Variants in BMP8A observed in about 807,000 individuals in gnomAD.
The protein encoded by BMP8A is BMP-8A.
In BMP8A, 14 loss-of-function variants were observed where a neutral mutation model predicts 36.8. That is an observed-to-expected ratio of 0.38 (90% CI 0.25 to 0.60). BMP8A has a LOEUF of 0.60. BMP8A is among the 20% of genes least tolerant of loss of function. The probability of loss-of-function intolerance (pLI) is 0.63; values close to 1 mark genes in which losing one functional copy is unlikely to be tolerated. For missense variants in BMP8A, 267 were observed against 551.1 expected, an observed-to-expected ratio of 0.48 and a Z score of 5.16; for synonymous variants, 120 against 237.7, an observed-to-expected ratio of 0.50 and a Z score of 4.55.
At chr1:39,505,737 T>C (rs1158680134) in intron 1 of BMP8A, among the ~76,000 whole-genome samples, 1 of 152,064 alleles carries the variant, frequency 6.6e-6, no homozygotes, top group African/African-American at 2.4e-5. Context: ...ATCTCAGCAC[T>C]CTGGAAGGCC....
At position 39,523,353 on chromosome 1, in the gene BMP8A, T is replaced by C. The variant is rs557701892; in HGVS notation, c.1059+236T>C. Reference sequence around the variant, plus strand: ...ACACGGACACACGTGAACAGTCGCGTATGCATGCCTGTTCTATGCACTGAA... The same window carrying C: ...ACACGGACACACGTGAACAGTCGCGCATGCATGCCTGTTCTATGCACTGAA... On this transcript the variant is annotated intron_variant, in intron 6 of 6. Coordinates refer to ENST00000331593, the MANE Select transcript of BMP8A (RefSeq NM_181809.4). Among the ~76,000 whole-genome samples the C allele has an allele frequency of 3.1e-3, 478 of 152,306 alleles. 3 individuals carry two copies. Among genetic ancestry groups the C allele is most frequent in the African/African-American group, 0.011 (458 of 41,576 alleles).
At chr1:39,506,365 C>T (rs1028683670) in intron 1 of BMP8A, among the ~76,000 whole-genome samples, 4 of 152,068 alleles carry the variant, frequency 2.6e-5, no homozygotes, top group South Asian at 4.1e-4. Flanking sequence ...CCTACCACCA[C>T]GCCCAGCTAA....
Position 39,491,940 on chromosome 1 carries a change from C to T in BMP8A, c.-52C>T. On this transcript the variant is annotated 5_prime_UTR_variant, in exon 1 of 7. Transcript: ENST00000331593. ...GTTCGCCGTCGGGGCGTCCCCGGGCCCAGGGGCGGCGGCGGAGCTGATGTG... is the reference window on the plus strand; with the variant it reads ...GTTCGCCGTCGGGGCGTCCCCGGGCTCAGGGGCGGCGGCGGAGCTGATGTG... 1 of 1,058,134 alleles carries T rather than the reference C, an allele frequency of 9.5e-7. No individual in the cohort carries two copies. Among genetic ancestry groups the T allele is most frequent in the South Asian group, 4.4e-5 (1 of 22,540 alleles). 65.5% of individuals were successfully genotyped at this position (1,058,134 alleles called of 1,614,324 possible).
At chr1:39,525,056 G>A (rs898839327) in intron 6 of BMP8A, 1 of 154,126 alleles carries the variant, frequency 6.5e-6, no homozygotes, top group African/African-American at 2.4e-5. Flanking sequence ...GGATCCGCAA[G>A]TCTGGAGTTC....
chr1:39,502,252 G>A (rs78000409), intron 1 of BMP8A, among the ~76,000 whole-genome samples: 148 of 119,488 alleles, frequency 1.2e-3, no homozygotes, highest in Non-Finnish European at 1.8e-3. Context: ...AAAAAAAAAA[G>A]AAAAGGAAAC....
chr1:39,505,373 A>G (rs1645292390), intron 1 of BMP8A, among the ~76,000 whole-genome samples: 1 of 152,180 alleles, frequency 6.6e-6, no homozygotes, highest in African/African-American at 2.4e-5. Context: ...ACACATTTTT[A>G]ACAAAACACA....
In BMP8A at chr1:39,529,725, A is replaced by G. The variant is rs1645516847; in HGVS notation, c.*3927A>G. Among the ~76,000 whole-genome samples the G allele has an allele frequency of 6.6e-6, 1 of 152,242 alleles. No homozygotes were observed. Among genetic ancestry groups the G allele is most frequent in the Non-Finnish European group, 1.5e-5 (1 of 68,044 alleles). On this transcript the variant is annotated 3_prime_UTR_variant, in exon 7 of 7. Coordinates refer to ENST00000331593, the MANE Select transcript of BMP8A (RefSeq NM_181809.4). Reference sequence around the variant, plus strand: ...TCCTTCCAGTCTTCTTACTTGGCACATATACATTTGTCTTTCTTTATATAT... The same window carrying G: ...TCCTTCCAGTCTTCTTACTTGGCACGTATACATTTGTCTTTCTTTATATAT...
chr1:39,507,655 G>A lies in BMP8A; in HGVS notation c.335-3519G>A, dbSNP rs896299963. 4.6e-5 allele frequency among the ~76,000 whole-genome samples: 7 copies of A among 152,306 alleles called. No homozygotes were observed. The South Asian group carries it at 8.3e-4, about 18-fold the overall frequency. On this transcript the variant is annotated intron_variant, in intron 1 of 6. Transcript: ENST00000331593. ...TGCTGAGGTGCTGCCGCTCAGCCAG[G>A]CATCTTTGGGAGATTCCAGACCTTG...
chr1:39,519,648 GC>G (rs1382073327), intron 3 of BMP8A, among the ~76,000 whole-genome samples: 1 of 151,298 alleles, frequency 6.6e-6, no homozygotes, highest in East Asian at 2.0e-4. Context: ...GGACACCAGG[GC>G]TGAGGCACAG....
intron 5 of BMP8A, 56 bp downstream of exon 5, chr1:39,522,538 G>T: frequency 1.3e-6 from 2 of 1,577,472 alleles, no homozygotes; most frequent in Non-Finnish European, 1.7e-6. Context: ...TAGATCAGAA[G>T]TGAATCTGCA....
intron 1 of BMP8A, among the ~76,000 whole-genome samples, chr1:39,502,574 T>A (rs2124329409): frequency 6.6e-6 from 1 of 152,264 alleles, no homozygotes; most frequent in South Asian, 2.1e-4. Flanking sequence ...CATCTTGTGG[T>A]GCCAGTTAGA....
At chr1:39,514,424 C>G (rs1216832482) in intron 3 of BMP8A, among the ~76,000 whole-genome samples, 4 of 150,954 alleles carry the variant, frequency 2.6e-5, no homozygotes, top group Admixed American at 1.3e-4. Context: ...TCCCCACTGT[C>G]GCAGTGAGGG....
In BMP8A at chr1:39,524,498, A is replaced by G. The variant is rs1221279759; in HGVS notation, c.1060-1151A>G. Among the ~76,000 whole-genome samples, 1 of 152,104 alleles carries G rather than the reference A, an allele frequency of 6.6e-6. No individual in the cohort carries two copies. Among genetic ancestry groups the G allele is most frequent in the African/African-American group, 2.4e-5 (1 of 41,418 alleles). On this transcript the variant is annotated intron_variant, in intron 6 of 6. Coordinates refer to ENST00000331593, the MANE Select transcript of BMP8A (RefSeq NM_181809.4). The surrounding 1 kb of genome is among the most constrained non-coding windows in gnomAD (Gnocchi z 4.0). ...GGGCACGTCAGCAGCTGGAGGAGGA[A>G]TGTTCCAGAAGGAGCAAGTGCAAGG... is the stretch of plus-strand genomic sequence containing the variant.
At chr1:39,496,877 A>AATT (rs1645209892) in intron 1 of BMP8A, among the ~76,000 whole-genome samples, 2 of 152,224 alleles carry the variant, frequency 1.3e-5, no homozygotes, top group African/African-American at 4.8e-5. Flanking sequence ...ATTTATAGAA[A>AATT]TAATGCATGC....
intron 1 of BMP8A, among the ~76,000 whole-genome samples, chr1:39,508,018 G>A (rs535759772): frequency 1.3e-5 from 2 of 152,302 alleles, no homozygotes; most frequent in African/African-American, 2.4e-5. Context: ...TTGGGAGGCC[G>A]AGGCGGGCAG....
intron 1 of BMP8A, among the ~76,000 whole-genome samples, chr1:39,507,488 A>G (rs1183195149): frequency 2.6e-5 from 4 of 152,188 alleles, no homozygotes; most frequent in Non-Finnish European, 4.4e-5. Context: ...CCCATTTCCC[A>G]GCATCAGACG....
intron 1 of BMP8A, among the ~76,000 whole-genome samples, chr1:39,495,013 G>C (rs1645192820): frequency 6.6e-6 from 1 of 151,640 alleles, no homozygotes. Context: ...CTGAGGCTGG[G>C]TGGGGCGGGG....
At chr1:39,501,853 A>T (rs1027433241) in intron 1 of BMP8A, among the ~76,000 whole-genome samples, 2 of 152,130 alleles carry the variant, frequency 1.3e-5, no homozygotes, top group East Asian at 3.8e-4. Flanking sequence ...GGATTGTGCC[A>T]TTTTGCATTC....
chr1:39,497,228 A>G (rs987691497), intron 1 of BMP8A, among the ~76,000 whole-genome samples: 1 of 152,168 alleles, frequency 6.6e-6, no homozygotes, highest in African/African-American at 2.4e-5. Flanking sequence ...CTCTGTGGAT[A>G]TATTAAAGCA....
Sources: gnomAD v4.1 joint callset for allele counts (sites outside exome capture counted in the v4.1 genomes callset) on GRCh38, gnomAD v4.1.1 for gene constraint, Gnocchi (gnomAD v3.1) non-coding constraint, MANE v1.5 for transcripts, NCBI Gene and HGNC (gene_info 2026-07-23, HGNC 2026-07-21) for gene names.